Variants in PALD1 observed in about 807,000 individuals in gnomAD.
PALD1 encodes the protein paladin.
PALD1 carries 57 observed loss-of-function variants against 96.0 expected under a neutral mutation model. The observed-to-expected ratio is 0.59, with a 90% CI of 0.48 to 0.74. PALD1 has a LOEUF of 0.74. Ranked by LOEUF, PALD1 falls within the 30% of genes least tolerant of loss-of-function variation. PALD1 has a pLI of 0.00. For synonymous variants in PALD1, 464 were observed against 473.6 expected, an observed-to-expected ratio of 0.98 and a Z score of 0.26; for missense variants, 1,063 against 1,143.7, an observed-to-expected ratio of 0.93 and a Z score of 1.02.
chr10:70,541,060 C>A, intron 15 of PALD1, 42 bp from the exon 16 acceptor site: 1 of 1,545,930 alleles, frequency 6.5e-7, no homozygotes. Context: ...TTTGTGCATC[C>A]AAGAGACGCC....
intron 1 of PALD1, among the ~76,000 whole-genome samples, chr10:70,519,790 G>T (rs1846693438): frequency 6.6e-6 from 1 of 152,032 alleles, no homozygotes; most frequent in African/African-American, 2.4e-5. Context: ...GGCCAGGCTG[G>T]TCTCGAACTC....
chr10:70,492,071 T>C lies in PALD1; in HGVS notation c.-30+13012T>C, dbSNP rs569566408. On this transcript the variant is annotated intron_variant, in intron 1 of 19. Transcript: ENST00000263563. ...GCTGCTATGAATGTTCATGTGCAAGTATTTGTTTGGATACTTGTTTTTTAT... is the reference window on the plus strand; with the variant it reads ...GCTGCTATGAATGTTCATGTGCAAGCATTTGTTTGGATACTTGTTTTTTAT... Among the ~76,000 whole-genome samples the C allele has an allele frequency of 1.9e-3, 293 of 152,354 alleles. 2 individuals are homozygous for C. The highest frequency in any genetic ancestry group is 6.8e-3 in the African/African-American group (282 of 41,586).
chr10:70,550,900 T>C (rs1286218567), intron 18 of PALD1, among the ~76,000 whole-genome samples: 1 of 152,250 alleles, frequency 6.6e-6, no homozygotes, highest in Admixed American at 6.5e-5. Context: ...GTAGAACTTT[T>C]TGGCTATTAT....
Position 70,529,235 on chromosome 10 carries a change from C to A in PALD1, c.192C>A (p.Asn64Lys), listed in dbSNP as rs1382109123. Residue 64 changes from asparagine to lysine, a missense_variant, in exon 3 of 20, where the codon AAC (asparagine) becomes AAA (lysine). Transcript: ENST00000263563. ...CCCCCCCCCCCCCCCCCAGGTACAA[C>A]TGCAAGGAGGAGTTCCAGATCCATG... ...NKVAPVVITY[N>K]CKEEFQIHDE... The A allele has an allele frequency of 1.3e-5, 10 of 770,864 alleles. No individual in the cohort carries two copies. The highest frequency in any genetic ancestry group is 8.9e-5 in the Admixed American group (4 of 44,976). 47.8% of individuals were successfully genotyped at this position (770,864 alleles called of 1,614,324 possible).
At chr10:70,538,847 T>C (rs959015374) in intron 12 of PALD1, 45 bp from the exon 13 acceptor site, 1 of 1,536,000 alleles carries the variant, frequency 6.5e-7, no homozygotes, top group African/African-American at 1.4e-5. Flanking sequence ...TTTCTGCGGC[T>C]ACAGTCGGCT....
chr10:70,503,892 A>G (rs1449942526), intron 1 of PALD1, among the ~76,000 whole-genome samples: 1 of 152,180 alleles, frequency 6.6e-6, no homozygotes, highest in East Asian at 1.9e-4. Context: ...CTTCCTTTGT[A>G]TCACGTCTTC....
Position 70,518,711 on chromosome 10 carries a change from C to T in PALD1, c.-29-7212C>T, listed in dbSNP as rs1398722565. 5.9e-5 allele frequency among the ~76,000 whole-genome samples: 9 copies of T among 152,312 alleles called. No individual in the cohort carries two copies. The East Asian group carries it at 7.7e-4, about 13-fold the overall frequency. On this transcript the variant is annotated intron_variant, in intron 1 of 19. Transcript: ENST00000263563. ...ATTAAATGAGATAATATACGTCAAACGCCTTGCAGTCAGAGATTGACCCAT... is the reference window on the plus strand; with the variant it reads ...ATTAAATGAGATAATATACGTCAAATGCCTTGCAGTCAGAGATTGACCCAT...
At position 70,557,647 on chromosome 10, in the gene PALD1, C is replaced by T. The variant is rs533509422; in HGVS notation, c.2263-6717C>T. ...CCTGAGGATGCAGTTTGCAGGGACT[C>T]GGTGGGGACCCACCACACGCAGCGG... is the stretch of plus-strand genomic sequence containing the variant. On this transcript the variant is annotated intron_variant, in intron 18 of 19. Coordinates refer to ENST00000263563, the MANE Select transcript of PALD1 (RefSeq NM_014431.3). 3.9e-5 allele frequency among the ~76,000 whole-genome samples: 6 copies of T among 152,226 alleles called. No individual in the cohort carries two copies. In the South Asian group the frequency reaches 6.2e-4, roughly 16 times the overall value.
Position 70,529,875 on chromosome 10 carries a change from C to T in PALD1, c.289-14C>T, listed in dbSNP as rs1294883468. ...AGCCATCTGAGTGACCTTCCTGTGGCTCTCCCCTGCCAGGGCCGCTACTTC... is the reference window on the plus strand; with the variant it reads ...AGCCATCTGAGTGACCTTCCTGTGGTTCTCCCCTGCCAGGGCCGCTACTTC... On this transcript the variant is annotated splice_polypyrimidine_tract_variant and intron_variant, in intron 3 of 19. Coordinates refer to ENST00000263563, the MANE Select transcript of PALD1 (RefSeq NM_014431.3). 1 of 1,612,218 alleles carries T rather than the reference C, an allele frequency of 6.2e-7. No homozygotes were observed. Among genetic ancestry groups the T allele is most frequent in the African/African-American group, 1.3e-5 (1 of 74,884 alleles).
At chr10:70,555,461 C>T (rs1005484994) in intron 18 of PALD1, among the ~76,000 whole-genome samples, 2 of 151,530 alleles carry the variant, frequency 1.3e-5, no homozygotes, top group African/African-American at 2.4e-5. Flanking sequence ...CCTTTTCTGC[C>T]GCTGTGGCAG....
intron 1 of PALD1, among the ~76,000 whole-genome samples, chr10:70,480,701 A>G (rs1050361678): frequency 3.9e-5 from 6 of 152,130 alleles, no homozygotes; most frequent in Admixed American, 1.3e-4. Flanking sequence ...GGAGTTGCTG[A>G]GCTCACCCGA....
intron 1 of PALD1, among the ~76,000 whole-genome samples, chr10:70,501,483 G>A (rs10999357): frequency 0.17 from 25,605 of 152,120 alleles, 2,595 homozygotes; most frequent in African/African-American, 0.27. Flanking sequence ...TGGCGTCTAC[G>A]CAGCTCCTTC....
chr10:70,507,415 A>AAAAC (rs916158530), intron 1 of PALD1, among the ~76,000 whole-genome samples: 20 of 152,306 alleles, frequency 1.3e-4, no homozygotes, highest in East Asian at 5.8e-4. Flanking sequence ...TCTGTCTCAA[A>AAAAC]AAACAAACAA....
At chr10:70,461,404 C>T in the PALD1 span, among the ~76,000 whole-genome samples, 1 of 152,216 alleles carries the variant, frequency 6.6e-6, no homozygotes, top group African/African-American at 2.4e-5. Flanking sequence ...TGTCTGCCAC[C>T]CCCACCAGAT....
At chr10:70,458,943 T>G in the PALD1 span, among the ~76,000 whole-genome samples, 1 of 152,212 alleles carries the variant, frequency 6.6e-6, no homozygotes, top group Admixed American at 6.5e-5. Flanking sequence ...AGAGTCAGGA[T>G]GGGCCCCGCA....
At chr10:70,491,629 G>A (rs1846100606) in intron 1 of PALD1, among the ~76,000 whole-genome samples, 1 of 152,136 alleles carries the variant, frequency 6.6e-6, no homozygotes, top group Admixed American at 6.5e-5. Context: ...CTTTTAAAGT[G>A]TACAGTTCAG....
chr10:70,492,448 CTTTTTTT>C (rs1157960799), intron 1 of PALD1, among the ~76,000 whole-genome samples: 120 of 80,174 alleles, frequency 1.5e-3, no homozygotes, highest in African/African-American at 4.5e-3. Flanking sequence ...GCATTTTTGA[CTTTTTTT>C]TTTTTTTTTT....
intron 18 of PALD1, among the ~76,000 whole-genome samples, chr10:70,561,275 G>A (rs1221238979): frequency 1.3e-5 from 2 of 152,250 alleles, no homozygotes; most frequent in Admixed American, 6.5e-5. Context: ...GGCGTTTCAC[G>A]CCCATAGCAC....
the PALD1 span, among the ~76,000 whole-genome samples, chr10:70,463,323 T>C: frequency 6.6e-6 from 1 of 151,858 alleles, no homozygotes. Flanking sequence ...GGCAGGAGAA[T>C]GGCGTGAACC....
Sources: allele counts gnomAD v4.1 joint callset (sites outside exome capture counted in the v4.1 genomes callset), GRCh38; gene constraint gnomAD v4.1.1; transcripts MANE v1.5; gene names NCBI Gene and HGNC (gene_info 2026-07-23, HGNC 2026-07-21).